Variants in USB1 observed in about 807,000 individuals in gnomAD.
The protein encoded by USB1 is U6 snRNA phosphodiesterase 1.
USB1 carries 21 observed loss-of-function variants against 29.9 expected under a neutral mutation model. That is an observed-to-expected ratio of 0.70 (90% confidence interval 0.50 to 1.01). The LOEUF is 1.01. Among genes scored for constraint, USB1 ranks in the 50% least tolerant of loss-of-function variants. The pLI is 0.00. For synonymous variants in USB1, 143 were observed against 134.9 expected, an observed-to-expected ratio of 1.06 and a Z score of -0.42; for missense variants, 330 against 347.1, an observed-to-expected ratio of 0.95 and a Z score of 0.39.
At chr16:58,011,542 G>C (rs984082585) in intron 3 of USB1, 1 of 1,001,818 alleles carries the variant, frequency 1.0e-6, no homozygotes, top group Non-Finnish European at 1.2e-6. Flanking sequence ...CCAGAGATCA[G>C]TCGGTCCTGT....
chr16:58,014,570 C>T (rs1260932689), intron 4 of USB1, among the ~76,000 whole-genome samples: 1 of 152,182 alleles, frequency 6.6e-6, no homozygotes, highest in African/African-American at 2.4e-5. Context: ...ATAGCTTGAG[C>T]TCAGGAGTTC....
At chr16:58,016,934 T>TC in intron 4 of USB1, 1 of 306,464 alleles carries the variant, frequency 3.3e-6, no homozygotes, top group South Asian at 3.0e-5. Flanking sequence ...GCCTGAGTGC[T>TC]TGTGGGAGGC....
Position 58,018,225 on chromosome 16 carries a change from T to C in USB1, c.610-747T>C, listed in dbSNP as rs537838822. On this transcript the variant is annotated intron_variant, in intron 5 of 6. Coordinates refer to ENST00000219281, the MANE Select transcript of USB1 (RefSeq NM_024598.4). ...TCAAGGTGACAGCATGGTTGATGTCTTTTTTTTTTTTTTTTTTTGGAGACA... is the reference window on the plus strand; with the variant it reads ...TCAAGGTGACAGCATGGTTGATGTCCTTTTTTTTTTTTTTTTTTGGAGACA... Among the ~76,000 whole-genome samples the C allele has an allele frequency of 6.0e-4, 70 of 117,580 alleles. 2 individuals are homozygous for C. In the South Asian group the frequency reaches 9.6e-3, roughly 16 times the overall value. The allele number at this position is 117,580 out of a possible 152,430, so 77.1% of individuals were successfully genotyped here.
At chr16:58,014,226 C>CT (rs376591711) in intron 3 of USB1, 47 bp from the exon 4 acceptor site, 3 of 1,515,598 alleles carry the variant, frequency 2.0e-6, no homozygotes, top group Non-Finnish European at 1.8e-6. Context: ...ATTTTTTCTG[C>CT]TTTTTTTCTT....
intron 2 of USB1, among the ~76,000 whole-genome samples, chr16:58,004,711 A>G (rs1023506997): frequency 6.6e-6 from 1 of 152,230 alleles, no homozygotes; most frequent in Non-Finnish European, 1.5e-5. Flanking sequence ...CATCTTTACA[A>G]TATTGAATCT....
At chr16:58,016,715 G>A (rs1045977389) in intron 4 of USB1, 15 of 171,792 alleles carry the variant, frequency 8.7e-5, no homozygotes, top group African/African-American at 3.1e-4. Context: ...CGTACGAGGC[G>A]GACAGCGAAG....
intron 4 of USB1, chr16:58,016,238 G>T (rs1963611815): frequency 6.6e-6 from 1 of 152,230 alleles, no homozygotes. Context: ...TTGGATTTAT[G>T]TGAAGCAAGG....
At chr16:58,005,738 C>G (rs1963335733) in intron 2 of USB1, among the ~76,000 whole-genome samples, 2 of 152,142 alleles carry the variant, frequency 1.3e-5, no homozygotes, top group African/African-American at 4.8e-5. Flanking sequence ...TGGCTTGCCA[C>G]CCACAACATC....
chr16:58,003,247 A>G (rs1206127829), intron 2 of USB1, among the ~76,000 whole-genome samples: 4 of 152,198 alleles, frequency 2.6e-5, no homozygotes, highest in Non-Finnish European at 5.9e-5. Context: ...CAACAGGTAG[A>G]AACCCTGTTT....
chr16:58,001,999 C>G (rs1041830759), intron 1 of USB1, among the ~76,000 whole-genome samples: 4 of 152,214 alleles, frequency 2.6e-5, no homozygotes, highest in Admixed American at 2.6e-4. Context: ...TCTGGTAATT[C>G]AGTGGTGAAC....
chr16:58,018,904 G>T, intron 5 of USB1, 68 bp from the exon 6 acceptor site: 1 of 1,501,934 alleles, frequency 6.7e-7, no homozygotes, highest in South Asian at 1.1e-5. Flanking sequence ...CTCTGTCACA[G>T]ACCTGCTGTG....
rs1445238821 is a variant in USB1, at chr16:58,017,314, C to G, written c.504-20C>G. ...TCTCAGAGGCTACATCTCATGCCTG[C>G]GTTGTCTTCCTCTCCCCAGGACCTT... On this transcript the variant is annotated intron_variant, in intron 4 of 6. Coordinates refer to ENST00000219281, the MANE Select transcript of USB1 (RefSeq NM_024598.4). The G allele has an allele frequency of 6.2e-7, 1 of 1,600,158 alleles. No homozygotes were observed. The highest frequency in any genetic ancestry group is 1.3e-5 in the African/African-American group (1 of 74,650).
rs775249170 is a variant in USB1, at chr16:58,002,568, A to T, written c.188A>T (p.Asp63Val). ...GGCACCGAGGAGGGGCCTGAAGATG[A>T]CAGCACAAAACACGGGGGACGGGTG... ...FPGTEEGPED[D>V]STKHGGRVRT... The change falls in exon 2 of 7, where the codon GAC (aspartate) becomes GTC (valine). Residue 63 changes from aspartate (D) to valine (V), a missense_variant. Physicochemically the swap from Asp to Val is radical, Grantham distance 152 (BLOSUM62 -3). Coordinates refer to ENST00000219281, the MANE Select transcript of USB1 (RefSeq NM_024598.4). The T allele has an allele frequency of 6.2e-7, 1 of 1,614,116 alleles. No individual in the cohort carries two copies. The highest frequency in any genetic ancestry group is 1.7e-5 in the Admixed American group (1 of 60,030).
chr16:58,010,691 G>A lies in USB1; in HGVS notation c.449+579G>A, dbSNP rs1353637036. The A allele has an allele frequency of 3.0e-5, 9 of 299,262 alleles. No individual in the cohort carries two copies. The Admixed American group carries it at 3.3e-4, about 11-fold the overall frequency. The allele number at this position is 299,262 out of a possible 1,614,324, so 18.5% of individuals were successfully genotyped here. A position where few individuals can be genotyped will look rare whatever the true frequency, so the allele number is the denominator to read the frequency against. On this transcript the variant is annotated intron_variant, in intron 3 of 6. Transcript: ENST00000219281. Reference sequence around the variant, plus strand: ...AGGCAAACAGTCCACTTACTAGGGCGCCAGTTTATTACAAAGGATATGTTA... The same window carrying A: ...AGGCAAACAGTCCACTTACTAGGGCACCAGTTTATTACAAAGGATATGTTA...
intron 4 of USB1, chr16:58,016,935 T>G: frequency 3.3e-6 from 1 of 304,426 alleles, no homozygotes; most frequent in South Asian, 3.1e-5. Context: ...CCTGAGTGCT[T>G]GTGGGAGGCG....
At position 58,002,715 on chromosome 16, in the gene USB1, TG is replaced by T; in HGVS notation, c.265+72del. 4 of 1,601,940 alleles carry T rather than the reference TG, an allele frequency of 2.5e-6. No homozygotes were observed. In the South Asian group the frequency reaches 4.4e-5, roughly 18 times the overall value. On this transcript the variant is annotated intron_variant, in intron 2 of 6. Transcript: ENST00000219281. ...TAGGTGCCTCATGAAGGGCAGAATC[TG>T]GCCCCAACTAGAAGGAAGAAACCAG... is the stretch of plus-strand genomic sequence containing the variant.
At chr16:58,012,319 A>G (rs1437143084) in intron 3 of USB1, 4 of 1,535,336 alleles carry the variant, frequency 2.6e-6, no homozygotes, top group Non-Finnish European at 3.5e-6. Context: ...TCTTAACCAC[A>G]GGTGCCAGAA....
upstream of USB1, chr16:58,001,393 G>GC: frequency 6.8e-7 from 1 of 1,475,586 alleles, no homozygotes; most frequent in Non-Finnish European, 9.2e-7. Flanking sequence ...CCCAGGCCCC[G>GC]CCCCTGGGAG....
At chr16:58,002,319 T>C (rs760028186) in intron 1 of USB1, among the ~76,000 whole-genome samples, 160 bp from the exon 2 acceptor site, 9 of 152,200 alleles carry the variant, frequency 5.9e-5, no homozygotes, top group Admixed American at 3.3e-4. Flanking sequence ...GAGACAATAC[T>C]GGAGAAACAA....
Sources: gnomAD v4.1 joint callset for allele counts (sites outside exome capture counted in the v4.1 genomes callset) on GRCh38, gnomAD v4.1.1 for gene constraint, MANE v1.5 for transcripts, NCBI Gene and HGNC (gene_info 2026-07-23, HGNC 2026-07-21) for gene names.